RPS6KA2: variants seen among roughly 807,000 people sequenced by gnomAD.
The protein encoded by RPS6KA2 is ribosomal protein S6 kinase alpha-2.
In RPS6KA2, 42 loss-of-function variants were observed where a neutral mutation model predicts 91.8. That is an observed-to-expected ratio of 0.46 (90% confidence interval 0.36 to 0.59). The LOEUF is 0.59. Ranked by LOEUF, RPS6KA2 falls within the 20% of genes least tolerant of loss-of-function variation. The probability of loss-of-function intolerance (pLI) is 0.00; values close to 1 mark genes in which losing one functional copy is unlikely to be tolerated. For missense variants in RPS6KA2, 798 were observed against 978.5 expected (o/e 0.82, Z 2.46); for synonymous variants, 414 against 393.6 (o/e 1.05, Z -0.61).
chr6:166,689,760 A>T (rs902469683), intron 2 of RPS6KA2, among the ~76,000 whole-genome samples: 1 of 152,200 alleles, frequency 6.6e-6, no homozygotes, highest in Non-Finnish European at 1.5e-5. Context: ...AAAACCATCC[A>T]ACTGTAGCTG....
At chr6:166,609,079 T>A (rs1241018535) in intron 1 of RPS6KA2, among the ~76,000 whole-genome samples, 5 of 152,046 alleles carry the variant, frequency 3.3e-5, no homozygotes, top group African/African-American at 4.8e-5. Context: ...CACTCTAGGA[T>A]TAAGGAATGG....
At chr6:166,475,942 A>T (rs979749391) in intron 10 of RPS6KA2, 20 of 426,570 alleles carry the variant, frequency 4.7e-5, no homozygotes, top group Non-Finnish European at 8.8e-5. Context: ...ATCTGTGCAG[A>T]AACTCTGGGA....
intron 2 of RPS6KA2, among the ~76,000 whole-genome samples, chr6:166,835,538 A>G (rs1780295790): frequency 6.6e-6 from 1 of 152,162 alleles, no homozygotes; most frequent in Non-Finnish European, 1.5e-5. Flanking sequence ...TTTAATTTCA[A>G]TTTCTCATTT....
In RPS6KA2 at chr6:166,500,905, C is replaced by T; in HGVS notation, c.586G>A (p.Gly196Arg). 1 of 1,614,040 alleles carries T rather than the reference C, an allele frequency of 6.2e-7. No individual in the cohort carries two copies. The highest frequency in any genetic ancestry group is 8.5e-7 in the Non-Finnish European group (1 of 1,179,944). The stretch of plus-strand genomic sequence containing the variant: ...TACAAACCTGTGATCTTAATGTGCC[C>T]CTCTTCATCCAGGAGGATGCTAAAA... ...KPENILLDEEGHIKITDFGLS... is the reference protein window; with the variant it reads ...KPENILLDEERHIKITDFGLS... Residue 196 changes from glycine (G) to arginine (R), a missense_variant, in exon 7 of 21, where the codon GGG becomes AGG. Transcript: ENST00000265678. This position sits in a 1 kb window ranked among gnomAD's most constrained non-coding sequence, Gnocchi z 4.3.
At chr6:166,798,151 T>C (rs1197785308) in intron 2 of RPS6KA2, among the ~76,000 whole-genome samples, 1 of 152,202 alleles carries the variant, frequency 6.6e-6, no homozygotes, top group East Asian at 1.9e-4. Flanking sequence ...TATCCCATGG[T>C]AATTAAAACC....
At chr6:166,427,219 G>A (rs1778956870) in intron 16 of RPS6KA2, among the ~76,000 whole-genome samples, 1 of 150,286 alleles carries the variant, frequency 6.7e-6, no homozygotes, top group African/African-American at 2.4e-5. Flanking sequence ...TATCTCAATA[G>A]ATGCAGAAAA....
chr6:166,527,151 C>T (rs561708782), intron 3 of RPS6KA2, among the ~76,000 whole-genome samples: 7 of 152,358 alleles, frequency 4.6e-5, no homozygotes, highest in Admixed American at 3.9e-4. Flanking sequence ...AAACAGGGTG[C>T]AGCTTCCCGC....
intron 1 of RPS6KA2, among the ~76,000 whole-genome samples, chr6:166,576,580 G>A (rs540460540): frequency 1.2e-4 from 19 of 152,362 alleles, no homozygotes; most frequent in African/African-American, 4.6e-4. Context: ...CTAGAGATTT[G>A]TGGAAGTGTG....
At chr6:166,601,819 C>A (rs1237509280) in intron 1 of RPS6KA2, among the ~76,000 whole-genome samples, 1 of 152,126 alleles carries the variant, frequency 6.6e-6, no homozygotes, top group Non-Finnish European at 1.5e-5. Context: ...ACTTTTACAA[C>A]TTCAGAGTGA....
intron 2 of RPS6KA2, among the ~76,000 whole-genome samples, chr6:166,735,181 C>T (rs932359859): frequency 5.9e-5 from 9 of 152,212 alleles, no homozygotes; most frequent in Middle Eastern, 3.2e-3. Context: ...CCAGCCACTC[C>T]GCTTCAGGCT....
At chr6:166,820,393 T>C (rs562908165) in intron 2 of RPS6KA2, among the ~76,000 whole-genome samples, 1 of 152,308 alleles carries the variant, frequency 6.6e-6, no homozygotes, top group South Asian at 2.1e-4. Flanking sequence ...GGGTCTCAAA[T>C]TATCTGATTC....
At chr6:166,421,406 A>T (rs1338617715) in intron 17 of RPS6KA2, among the ~76,000 whole-genome samples, 1 of 152,160 alleles carries the variant, frequency 6.6e-6, no homozygotes, top group Non-Finnish European at 1.5e-5. Flanking sequence ...GATGCAGGAG[A>T]GCTCTGTGTC....
chr6:166,788,179 G>A (rs1778981948), intron 2 of RPS6KA2, among the ~76,000 whole-genome samples: 1 of 152,142 alleles, frequency 6.6e-6, no homozygotes, highest in Non-Finnish European at 1.5e-5. Flanking sequence ...TAAAAAGTCA[G>A]GAAAAAATAG....
chr6:166,631,358 T>C (rs975451707), upstream of RPS6KA2, among the ~76,000 whole-genome samples: 2 of 152,138 alleles, frequency 1.3e-5, no homozygotes, highest in Admixed American at 6.5e-5. Context: ...AAAAACCACA[T>C]TGGGTTTCAA....
In RPS6KA2 at chr6:166,770,502, A is replaced by C. The variant is rs1778438152; in HGVS notation, c.123+87698T>G. 6.6e-6 allele frequency among the ~76,000 whole-genome samples: 1 copy of C among 152,178 alleles called. No homozygotes were observed. Among genetic ancestry groups the C allele is most frequent in the Non-Finnish European group, 1.5e-5 (1 of 68,038 alleles). ...CTTCTGCCGCTGGTAATTTCAGCTT[A>C]TTTTGAAGGCACGTCGTAGTTTTAA... On this transcript the variant is annotated intron_variant, in intron 2 of 21. Transcript: ENST00000503859. The surrounding 1 kb of genome is among the most constrained non-coding windows in gnomAD (Gnocchi z 5.1).
chr6:166,616,592 C>T (rs947922053), intron 1 of RPS6KA2, among the ~76,000 whole-genome samples: 8 of 152,204 alleles, frequency 5.3e-5, no homozygotes, highest in African/African-American at 1.7e-4. Context: ...CATGCAGAAC[C>T]CCCGACCCTG....
chr6:166,617,866 C>G (rs1319643362), intron 1 of RPS6KA2, among the ~76,000 whole-genome samples: 1 of 152,240 alleles, frequency 6.6e-6, no homozygotes, highest in Non-Finnish European at 1.5e-5. Flanking sequence ...GCCTGCGGCA[C>G]CTTCCTTCTG....
chr6:166,413,485 G>A lies in RPS6KA2; in HGVS notation c.2076+309C>T, dbSNP rs2128435027. On this transcript the variant is annotated intron_variant, in intron 20 of 20. Coordinates refer to ENST00000265678, the MANE Select transcript of RPS6KA2 (RefSeq NM_021135.6). ...CCTGAGAGGCTACTGCTGCCTGAAT[G>A]TAAGTCACTTATGAAGGGGACTTTT... Among the ~76,000 whole-genome samples the A allele has an allele frequency of 1.3e-5, 2 of 152,336 alleles. 1 individual carries two copies. Among genetic ancestry groups the A allele is most frequent in the Middle Eastern group, 6.8e-3 (2 of 294 alleles).
intron 2 of RPS6KA2, among the ~76,000 whole-genome samples, chr6:166,636,496 T>C (rs1477316929): frequency 2.6e-5 from 4 of 152,232 alleles, no homozygotes; most frequent in Non-Finnish European, 4.4e-5. Context: ...TCTGATAATA[T>C]GTGATTCTTC....
Sources: allele counts gnomAD v4.1 joint callset (sites outside exome capture counted in the v4.1 genomes callset), GRCh38; gene constraint gnomAD v4.1.1; non-coding constraint Gnocchi (gnomAD v3.1); transcripts MANE v1.5; gene names NCBI Gene and HGNC (gene_info 2026-07-23, HGNC 2026-07-21).